The following RBFOX1 variants were observed in gnomAD, a reference collection of about 807,000 sequenced individuals.
RBFOX1 encodes RNA binding fox-1 homolog 1.
RBFOX1 carries 8 observed loss-of-function variants against 57.7 expected under a neutral mutation model. The observed-to-expected ratio is 0.14, with a 90% CI of 0.08 to 0.25. The LOEUF (loss-of-function observed/expected upper bound fraction) is 0.25, where lower values mean the gene tolerates loss of function less well. RBFOX1 is among the 10% of genes least tolerant of loss of function. The pLI is 1.00. For missense variants in RBFOX1, 611 were observed against 548.5 expected, an observed-to-expected ratio of 1.11 and a Z score of -1.14; for synonymous variants, 326 against 222.4, an observed-to-expected ratio of 1.47 and a Z score of -4.15.
chr16:6,431,935 T>G (rs1283238696), intron 2 of RBFOX1, among the ~76,000 whole-genome samples: 12 of 151,120 alleles, frequency 7.9e-5, no homozygotes, highest in Non-Finnish European at 1.8e-4. Context: ...CTTTCTTTCT[T>G]TCTTTCTTTC....
chr16:5,260,592 T>A (rs1162352029), intron 1 of RBFOX1: 1 of 152,248 alleles, frequency 6.6e-6, no homozygotes, highest in Non-Finnish European at 1.5e-5. Context: ...AGATGTTTTA[T>A]ATATATGTAG....
rs1156896003 is a variant in RBFOX1, at chr16:5,631,556, TA to T, written c.318+32610del. 4.5e-3 allele frequency among the ~76,000 whole-genome samples: 619 copies of T among 138,918 alleles called. 1 individual carries two copies. Among genetic ancestry groups the T allele is most frequent in the South Asian group, 8.7e-3 (37 of 4,258 alleles). The allele number at this position is 138,918 out of a possible 152,430, so 91.1% of individuals were successfully genotyped here. ...TGGTGACAGACCGAGACTCCATATT[TA>T]AAAAAAAAAAAAAAGTGTCTCTTCT... On this transcript the variant is annotated intron_variant, in intron 3 of 19. Transcript: ENST00000641259.
At chr16:6,612,046 C>A (rs914759683) in intron 2 of RBFOX1, among the ~76,000 whole-genome samples, 1 of 152,152 alleles carries the variant, frequency 6.6e-6, no homozygotes, top group Non-Finnish European at 1.5e-5. Flanking sequence ...GGAATAGTTC[C>A]TGTTTCTTGC....
At chr16:5,246,382 A>T (rs1006965364) in intron 1 of RBFOX1, among the ~76,000 whole-genome samples, 4 of 152,222 alleles carry the variant, frequency 2.6e-5, no homozygotes, top group South Asian at 2.1e-4. Context: ...ACATGATGTG[A>T]TTGAAGTATG....
Position 5,439,805 on chromosome 16 carries a change from A to G in RBFOX1, c.220-27411A>G, listed in dbSNP as rs1008168120. On this transcript the variant is annotated intron_variant, in intron 1 of 2. Transcript: ENST00000585867. ...CTGGGGAGGCCTCAGGAAACTTACA[A>G]TCATGGCAGAAGGGGAAGCAAACAT... Among the ~76,000 whole-genome samples the G allele has an allele frequency of 5.3e-5, 8 of 152,070 alleles. No homozygotes were observed. The East Asian group carries it at 5.8e-4, about 11-fold the overall frequency.
intron 1 of RBFOX1, among the ~76,000 whole-genome samples, chr16:6,098,126 C>T (rs1168400388): frequency 6.6e-6 from 1 of 151,122 alleles, no homozygotes; most frequent in Admixed American, 6.6e-5. Flanking sequence ...CTTTGTGCCT[C>T]TTGCTACCCT....
In RBFOX1 at chr16:6,503,290, C is replaced by G. The variant is rs143014307; in HGVS notation, c.-63-151313C>G. ...TTATCTATGGGCAGTCTTTGTTTATCTCTTTTCCACTTCTCCAGACGAGAT... is the reference window on the plus strand; with the variant it reads ...TTATCTATGGGCAGTCTTTGTTTATGTCTTTTCCACTTCTCCAGACGAGAT... On this transcript the variant is annotated intron_variant, in intron 2 of 15. Transcript: ENST00000550418. Among the ~76,000 whole-genome samples, 1,016 of 152,260 alleles carry G rather than the reference C, an allele frequency of 6.7e-3. 9 individuals carry two copies. The highest frequency in any genetic ancestry group is 0.023 in the African/African-American group (956 of 41,540).
chr16:6,784,727 G>A (rs1050144880), intron 3 of RBFOX1, among the ~76,000 whole-genome samples: 2 of 151,834 alleles, frequency 1.3e-5, no homozygotes, highest in Non-Finnish European at 2.9e-5. Flanking sequence ...TTTATTGTGT[G>A]GATAGTTGTT....
intron 3 of RBFOX1, among the ~76,000 whole-genome samples, chr16:5,725,833 C>G (rs1305104858): frequency 6.6e-6 from 1 of 151,960 alleles, no homozygotes; most frequent in Non-Finnish European, 1.5e-5. Context: ...TCTCCGAGTT[C>G]TCTGCCTCTT....
intron 2 of RBFOX1, among the ~76,000 whole-genome samples, chr16:6,335,779 A>G (rs1200936784): frequency 1.3e-5 from 2 of 148,342 alleles, no homozygotes; most frequent in African/African-American, 5.1e-5. Flanking sequence ...CTGTCTCCAA[A>G]AAAAAAAAAA....
chr16:7,633,139 A>C (rs777144138), intron 11 of RBFOX1, among the ~76,000 whole-genome samples: 2 of 152,204 alleles, frequency 1.3e-5, no homozygotes, highest in Non-Finnish European at 2.9e-5. Flanking sequence ...AAAACAAAAC[A>C]AAAACAAAGA....
chr16:7,598,127 T>C (rs2094804908), intron 9 of RBFOX1, among the ~76,000 whole-genome samples: 1 of 152,194 alleles, frequency 6.6e-6, no homozygotes, highest in African/African-American at 2.4e-5. Flanking sequence ...AAAATAAGTA[T>C]CTCTTAAGAT....
chr16:7,446,373 T>G (rs2150055781), intron 4 of RBFOX1, among the ~76,000 whole-genome samples: 1 of 152,258 alleles, frequency 6.6e-6, no homozygotes. Context: ...TTTCAGAAGT[T>G]GAGGAGAAGT....
At chr16:7,005,890 G>T (rs2093256121) in intron 3 of RBFOX1, among the ~76,000 whole-genome samples, 1 of 152,056 alleles carries the variant, frequency 6.6e-6, no homozygotes, top group African/African-American at 2.4e-5. Flanking sequence ...TAAGAACTAT[G>T]AAGATACCCA....
chr16:7,336,102 G>A (rs914988532), intron 4 of RBFOX1, among the ~76,000 whole-genome samples: 2 of 152,200 alleles, frequency 1.3e-5, no homozygotes, highest in African/African-American at 4.8e-5. Flanking sequence ...TTCTAGTGAT[G>A]CCTTGAATGA....
chr16:6,578,023 T>G (rs1028680848), intron 2 of RBFOX1, among the ~76,000 whole-genome samples: 2 of 152,182 alleles, frequency 1.3e-5, no homozygotes, highest in Non-Finnish European at 2.9e-5. Context: ...CAGTGCTTAT[T>G]TCATTGAAGA....
chr16:5,830,241 A>C (rs1427387957), intron 3 of RBFOX1, among the ~76,000 whole-genome samples: 2 of 151,916 alleles, frequency 1.3e-5, no homozygotes, highest in Non-Finnish European at 2.9e-5. Flanking sequence ...AACCCTCCCT[A>C]TCTAGTTGGT....
At chr16:6,730,196 G>T (rs1005746303) in intron 3 of RBFOX1, among the ~76,000 whole-genome samples, 1 of 152,060 alleles carries the variant, frequency 6.6e-6, no homozygotes, top group African/African-American at 2.4e-5. Flanking sequence ...AGAAGAGGAG[G>T]GGACATAGGA....
intron 2 of RBFOX1, among the ~76,000 whole-genome samples, chr16:6,419,822 C>G (rs144559691): frequency 2.0e-4 from 30 of 152,222 alleles, no homozygotes; most frequent in African/African-American, 7.2e-4. Flanking sequence ...ACAAGCTGTG[C>G]GGGGTATAGG....
Sources: gnomAD v4.1 joint callset for allele counts (sites outside exome capture counted in the v4.1 genomes callset) on GRCh38, gnomAD v4.1.1 for gene constraint, MANE v1.5 for transcripts, NCBI Gene and HGNC (gene_info 2026-07-23, HGNC 2026-07-21) for gene names.